Variants in SLC2A9 observed in about 807,000 individuals in gnomAD.
SLC2A9 encodes solute carrier family 2, facilitated glucose transporter member 9.
In SLC2A9, 39 loss-of-function variants were observed where a neutral mutation model predicts 50.6. That is an observed-to-expected ratio of 0.77 (90% CI 0.60 to 1.01). The LOEUF (loss-of-function observed/expected upper bound fraction) is 1.01. Among genes scored for constraint, SLC2A9 ranks in the 50% least tolerant of loss-of-function variants. The probability of loss-of-function intolerance (pLI) is 0.00; values close to 1 mark genes in which losing one functional copy is unlikely to be tolerated. For synonymous variants in SLC2A9, 324 were observed against 276.9 expected, an observed-to-expected ratio of 1.17 and a Z score of -1.69; for missense variants, 686 against 677.6, an observed-to-expected ratio of 1.01 and a Z score of -0.14.
chr4:9,951,624 A>G (rs1350343765), intron 5 of SLC2A9, among the ~76,000 whole-genome samples: 1 of 151,560 alleles, frequency 6.6e-6, no homozygotes, highest in Non-Finnish European at 1.5e-5. Context: ...AGAAAAGTTT[A>G]TTTTTAAAAA....
intron 2 of SLC2A9, among the ~76,000 whole-genome samples, chr4:10,003,177 TG>T: frequency 6.6e-6 from 1 of 152,202 alleles, no homozygotes; most frequent in Non-Finnish European, 1.5e-5. Context: ...AGGTCACTCT[TG>T]CACGTGAACT....
downstream of SLC2A9, among the ~76,000 whole-genome samples, chr4:9,779,393 T>C (rs1184271951): frequency 1.3e-5 from 2 of 151,858 alleles, no homozygotes; most frequent in Non-Finnish European, 2.9e-5. Context: ...TATTCCTGGG[T>C]TAAAGTCTAT....
rs775197050 is a variant in SLC2A9 at position 9,782,256 on chromosome 4, C to T, written n.386-2191G>A. 3 of 1,613,808 alleles carry T rather than the reference C, an allele frequency of 1.9e-6. No individual in the cohort carries two copies. The South Asian group carries it at 3.3e-5, about 18-fold the overall frequency. ...AGCCGCCACCTGCGCGCCAACATGA[C>T]CAACGTCTTCATCGTGTCTCTGGCC... On this transcript the variant is annotated intron_variant and non_coding_transcript_variant, in intron 3 of 3. Transcript: ENST00000503803.
chr4:9,869,646 A>G (rs1048431168), intron 10 of SLC2A9, among the ~76,000 whole-genome samples: 6 of 152,282 alleles, frequency 3.9e-5, no homozygotes, highest in African/African-American at 7.2e-5. Context: ...TTTTACGCCA[A>G]TCTTTCTCCC....
chr4:9,880,354 AGGG>A, intron 10 of SLC2A9: 1 of 985,592 alleles, frequency 1.0e-6, no homozygotes, highest in South Asian at 4.7e-5. Context: ...AGCGGAGGGC[AGGG>A]GCTGACAGGT....
At chr4:9,862,570 A>G (rs937293166) in intron 10 of SLC2A9, among the ~76,000 whole-genome samples, 4 of 152,112 alleles carry the variant, frequency 2.6e-5, no homozygotes, top group East Asian at 1.9e-4. Context: ...TTTATCCCCT[A>G]TGCTAACAAC....
At chr4:9,937,730 G>A (rs1185192854) in intron 6 of SLC2A9, among the ~76,000 whole-genome samples, 1 of 152,218 alleles carries the variant, frequency 6.6e-6, no homozygotes, top group African/African-American at 2.4e-5. Context: ...AGGGCCTCCA[G>A]GTAAGGCCAC....
At chr4:9,867,641 G>A (rs971583960) in intron 10 of SLC2A9, among the ~76,000 whole-genome samples, 1 of 152,180 alleles carries the variant, frequency 6.6e-6, no homozygotes, top group African/African-American at 2.4e-5. Context: ...CCATCATGGG[G>A]AGTACAGGGG....
chr4:10,035,717 T>C (rs1204497554), intron 1 of SLC2A9: 1 of 152,268 alleles, frequency 6.6e-6, no homozygotes, highest in East Asian at 1.9e-4. Context: ...GCAGGCACCA[T>C]CCATTGACTG....
chr4:9,939,194 G>A (rs183953301), intron 6 of SLC2A9, among the ~76,000 whole-genome samples: 1 of 152,258 alleles, frequency 6.6e-6, no homozygotes, highest in Admixed American at 6.5e-5. Flanking sequence ...ATTGAACAGA[G>A]CTAAGGCCAA....
chr4:9,959,231 A>T (rs907978485), intron 5 of SLC2A9, among the ~76,000 whole-genome samples: 2 of 151,740 alleles, frequency 1.3e-5, no homozygotes, highest in African/African-American at 4.8e-5. Context: ...AAAAAAAAAA[A>T]AAATACAAAA....
At chr4:9,835,662 C>T (rs1381600539) in intron 10 of SLC2A9, among the ~76,000 whole-genome samples, 1 of 152,234 alleles carries the variant, frequency 6.6e-6, no homozygotes, top group Non-Finnish European at 1.5e-5. Context: ...TCCTTGCTTT[C>T]ATGCGGAACC....
intron 6 of SLC2A9, among the ~76,000 whole-genome samples, chr4:9,935,919 G>A (rs1261922761): frequency 1.3e-5 from 2 of 152,158 alleles, no homozygotes; most frequent in African/African-American, 2.4e-5. Context: ...TGTGAAGAAT[G>A]GGTTAAGGGA....
intron 6 of SLC2A9, among the ~76,000 whole-genome samples, chr4:9,930,111 G>A (rs1050760028): frequency 4.6e-5 from 7 of 152,010 alleles, no homozygotes; most frequent in African/African-American, 1.4e-4. Context: ...TGTCCTCCCC[G>A]CAAATCCTGC....
chr4:10,021,596 CT>C, upstream of SLC2A9: 1 of 993,536 alleles, frequency 1.0e-6, no homozygotes, highest in East Asian at 2.6e-5. Flanking sequence ...ATTTTTTTCT[CT>C]GCTCCTAAGT....
chr4:9,901,989 C>G (rs1012064896), intron 8 of SLC2A9, among the ~76,000 whole-genome samples: 1 of 152,164 alleles, frequency 6.6e-6, no homozygotes, highest in Non-Finnish European at 1.5e-5. Context: ...GGTGGCGTAC[C>G]CACCCTACAT....
chr4:9,785,253 C>A (rs1180023913), intron 3 of SLC2A9, among the ~76,000 whole-genome samples: 1 of 152,170 alleles, frequency 6.6e-6, no homozygotes, highest in Admixed American at 6.5e-5. Context: ...TCACTGTTTA[C>A]CCAATTGTGC....
chr4:9,997,934 C>T (rs1759023429), intron 2 of SLC2A9, among the ~76,000 whole-genome samples: 1 of 152,070 alleles, frequency 6.6e-6, no homozygotes, highest in Non-Finnish European at 1.5e-5. Context: ...ATACAAAGAA[C>T]TCTAACATGT....
downstream of SLC2A9, among the ~76,000 whole-genome samples, chr4:9,775,060 C>T (rs142021630): frequency 1.6e-4 from 25 of 152,288 alleles, no homozygotes; most frequent in East Asian, 9.7e-4. Flanking sequence ...AGCATAATGA[C>T]GGGCACTTCT....
Sources: gnomAD v4.1 joint callset for allele counts (sites outside exome capture counted in the v4.1 genomes callset) on GRCh38, gnomAD v4.1.1 for gene constraint, MANE v1.5 for transcripts, NCBI Gene and HGNC (gene_info 2026-07-23, HGNC 2026-07-21) for gene names.